LINGO2: variants seen among roughly 807,000 people sequenced by gnomAD.
LINGO2 encodes leucine-rich repeat and immunoglobulin-like domain-containing nogo receptor-interacting protein 2.
A neutral mutation model predicts 30.6 loss-of-function variants in LINGO2; 14 were observed. The ratio of observed to expected loss-of-function variants is 0.46; its 90% CI spans 0.30 to 0.72. LINGO2 has a LOEUF of 0.72. Among genes scored for constraint, LINGO2 ranks in the 30% least tolerant of loss-of-function variants. The pLI is 0.07. For synonymous variants in LINGO2, 317 were observed against 288.5 expected, an observed-to-expected ratio of 1.10 and a Z score of -1.00; for missense variants, 729 against 751.7, an observed-to-expected ratio of 0.97 and a Z score of 0.35.
At chr9:28,248,920 T>A (rs1008075821) in intron 4 of LINGO2, among the ~76,000 whole-genome samples, 6 of 151,846 alleles carry the variant, frequency 4.0e-5, no homozygotes, top group African/African-American at 1.5e-4. Flanking sequence ...CAAGAGAGAG[T>A]TATTATTAAT....
At chr9:28,380,473 A>G (rs551934134) in intron 2 of LINGO2, among the ~76,000 whole-genome samples, 10 of 151,936 alleles carry the variant, frequency 6.6e-5, no homozygotes, top group South Asian at 6.2e-4. Context: ...GTTAATGGAA[A>G]TAGATGGAGA....
At chr9:28,347,896 T>A (rs1819655149) in intron 3 of LINGO2, among the ~76,000 whole-genome samples, 1 of 152,212 alleles carries the variant, frequency 6.6e-6, no homozygotes, top group African/African-American at 2.4e-5. Flanking sequence ...AAGATGTTTC[T>A]ACTATGTTGT....
chr9:28,054,553 T>C (rs73443916), intron 4 of LINGO2, among the ~76,000 whole-genome samples: 1 of 152,128 alleles, frequency 6.6e-6, no homozygotes, highest in East Asian at 1.9e-4. Flanking sequence ...GAAGTTCCAT[T>C]AACTGTTTAA....
intron 1 of LINGO2, among the ~76,000 whole-genome samples, chr9:28,489,301 C>T (rs1008035188): frequency 6.6e-6 from 1 of 152,118 alleles, no homozygotes; most frequent in African/African-American, 2.4e-5. Flanking sequence ...TTCCAAGTAG[C>T]TGGGACTACA....
intron 2 of LINGO2, among the ~76,000 whole-genome samples, chr9:28,375,112 ACACACACACACACACACACACATACAC>A (rs1821071494): frequency 1.9e-5 from 1 of 53,812 alleles, no homozygotes; most frequent in Non-Finnish European, 5.6e-5. Context: ...ACACACACAC[ACACACACACACACACACACACATACAC>A]CCCACACTAA....
intron 3 of LINGO2, among the ~76,000 whole-genome samples, chr9:28,371,085 C>G (rs920003972): frequency 6.6e-6 from 1 of 152,050 alleles, no homozygotes; most frequent in Admixed American, 6.6e-5. Flanking sequence ...CAAATTTGGG[C>G]CCCTTCACTC....
intron 1 of LINGO2, among the ~76,000 whole-genome samples, chr9:28,511,230 A>T (rs1410038963): frequency 6.6e-6 from 1 of 152,138 alleles, no homozygotes; most frequent in African/African-American, 2.4e-5. Context: ...AGGCAAACCC[A>T]TATCTGGAGT....
intron 4 of LINGO2, among the ~76,000 whole-genome samples, chr9:28,226,488 C>T (rs1005550232): frequency 7.3e-5 from 11 of 151,346 alleles, no homozygotes; most frequent in Non-Finnish European, 1.3e-4. Flanking sequence ...TAGAGTCTTT[C>T]TTAAACAGAG....
chr9:28,686,883 G>A, the LINGO2 span, among the ~76,000 whole-genome samples: 1 of 151,908 alleles, frequency 6.6e-6, no homozygotes, highest in Non-Finnish European at 1.5e-5. Flanking sequence ...ATTTTGAAAC[G>A]GTGGAATTTA....
chr9:29,182,192 C>T, the LINGO2 span, among the ~76,000 whole-genome samples: 815 of 152,208 alleles, frequency 5.4e-3, 10 homozygotes, highest in Non-Finnish European at 7.8e-3. Flanking sequence ...GTACCCACAA[C>T]GCATTTAAAA....
At chr9:28,830,797 CAT>C in the LINGO2 span, among the ~76,000 whole-genome samples, 1 of 147,776 alleles carries the variant, frequency 6.8e-6, no homozygotes, top group African/African-American at 2.7e-5. Flanking sequence ...TACACACACA[CAT>C]GCATGTTCAC....
intron 3 of LINGO2, among the ~76,000 whole-genome samples, chr9:28,342,469 C>T (rs1819382768): frequency 6.6e-6 from 1 of 152,120 alleles, no homozygotes; most frequent in African/African-American, 2.4e-5. Context: ...CACCAGCCCA[C>T]CAGCAGTCAG....
At chr9:29,023,166 G>A in the LINGO2 span, among the ~76,000 whole-genome samples, 22,611 of 151,912 alleles carry the variant, frequency 0.15, 2,050 homozygotes, top group South Asian at 0.2. Context: ...CAAAGTAAAG[G>A]AAAAAGGTTA....
chr9:28,607,742 T>C (rs893624703), intron 1 of LINGO2, among the ~76,000 whole-genome samples: 3 of 152,006 alleles, frequency 2.0e-5, no homozygotes, highest in Admixed American at 6.6e-5. Flanking sequence ...TGAAATACCC[T>C]TACTAATCCT....
intron 4 of LINGO2, among the ~76,000 whole-genome samples, chr9:28,242,516 A>G (rs892353337): frequency 1.3e-5 from 2 of 152,206 alleles, no homozygotes; most frequent in Non-Finnish European, 2.9e-5. Context: ...CCTGAAAGAG[A>G]CAGGGTGAAT....
intron 1 of LINGO2, among the ~76,000 whole-genome samples, chr9:28,638,245 A>G (rs1242569642): frequency 1.3e-5 from 2 of 152,180 alleles, no homozygotes; most frequent in East Asian, 1.9e-4. Context: ...GGATTTCTGC[A>G]TCGATGTTCA....
chr9:29,143,543 G>A, the LINGO2 span, among the ~76,000 whole-genome samples: 77 of 152,116 alleles, frequency 5.1e-4, no homozygotes, highest in African/African-American at 1.6e-3. Flanking sequence ...CAAAGGTACC[G>A]AGAGTACCCA....
At chr9:29,086,053 T>G in the LINGO2 span, among the ~76,000 whole-genome samples, 3 of 152,124 alleles carry the variant, frequency 2.0e-5, no homozygotes, top group African/African-American at 7.2e-5. Context: ...AAGGATGCTA[T>G]GCCTATTTCA....
At chr9:28,007,847 G>A (rs1822343548) in intron 5 of LINGO2, among the ~76,000 whole-genome samples, 1 of 152,100 alleles carries the variant, frequency 6.6e-6, no homozygotes, top group Non-Finnish European at 1.5e-5. Context: ...CAAGATTATG[G>A]ACTACATTTT....
Sources: gnomAD v4.1 joint callset for allele counts (sites outside exome capture counted in the v4.1 genomes callset) on GRCh38, gnomAD v4.1.1 for gene constraint, MANE v1.5 for transcripts, NCBI Gene and HGNC (gene_info 2026-07-23, HGNC 2026-07-21) for gene names.